The following CLEC16A variants were observed in gnomAD, a reference collection of about 807,000 sequenced individuals.
The protein encoded by CLEC16A is protein CLEC16A.
A neutral mutation model predicts 109.5 loss-of-function variants in CLEC16A; 51 were observed. That is an observed-to-expected ratio of 0.47 (90% CI 0.37 to 0.59). CLEC16A has a LOEUF of 0.59. Ranked by LOEUF, CLEC16A falls within the 20% of genes least tolerant of loss-of-function variation. The pLI, the probability that CLEC16A is intolerant of heterozygous loss-of-function variation, is 0.00. For missense variants in CLEC16A, 1,339 were observed against 1,394.0 expected (o/e 0.96, Z 0.63); for synonymous variants, 673 against 564.2 (o/e 1.19, Z -2.73).
chr16:11,053,763 A>G (rs568046974), intron 18 of CLEC16A, among the ~76,000 whole-genome samples: 1 of 152,172 alleles, frequency 6.6e-6, no homozygotes, highest in African/African-American at 2.4e-5. Flanking sequence ...AGCCCAGGCA[A>G]TGTGGCCCCC....
chr16:11,064,198 T>C (rs2048642197), intron 19 of CLEC16A, among the ~76,000 whole-genome samples: 1 of 152,230 alleles, frequency 6.6e-6, no homozygotes, highest in East Asian at 1.9e-4. Context: ...ATCATATTAT[T>C]ACATCTAGAA....
chr16:10,986,260 G>T (rs2043650527), intron 10 of CLEC16A, among the ~76,000 whole-genome samples: 1 of 151,632 alleles, frequency 6.6e-6, no homozygotes, highest in Non-Finnish European at 1.5e-5. Context: ...TCAATCTCCT[G>T]ACCTCGTGAT....
intron 22 of CLEC16A, among the ~76,000 whole-genome samples, chr16:11,162,669 A>G (rs1461198620): frequency 6.6e-6 from 1 of 152,168 alleles, no homozygotes; most frequent in Non-Finnish European, 1.5e-5. Context: ...CTCCATCTTG[A>G]GCATTTCCCC....
chr16:11,048,089 G>A (rs1219233436), intron 17 of CLEC16A: 1 of 152,282 alleles, frequency 6.6e-6, no homozygotes, highest in East Asian at 1.9e-4. Flanking sequence ...CATATCACTT[G>A]CTAATGAGGA....
intron 10 of CLEC16A, among the ~76,000 whole-genome samples, chr16:10,985,073 G>T (rs1468210531): frequency 6.6e-6 from 1 of 151,850 alleles, no homozygotes; most frequent in African/African-American, 2.4e-5. Flanking sequence ...CATGGTGGCA[G>T]GCGCCTGCAG....
At chr16:11,062,310 A>G (rs1007883395) in intron 19 of CLEC16A, among the ~76,000 whole-genome samples, 3 of 152,212 alleles carry the variant, frequency 2.0e-5, no homozygotes, top group African/African-American at 7.2e-5. Flanking sequence ...TTATTAAGAT[A>G]TAATTTATAT....
intron 22 of CLEC16A, among the ~76,000 whole-genome samples, chr16:11,153,114 A>G (rs1017462102): frequency 6.6e-6 from 1 of 152,190 alleles, no homozygotes; most frequent in Non-Finnish European, 1.5e-5. Flanking sequence ...GGAAGGAGAA[A>G]GGATGTTCAA....
chr16:11,039,952 T>TG, intron 14 of CLEC16A, 76 bp downstream of exon 14: 1 of 1,536,776 alleles, frequency 6.5e-7, no homozygotes, highest in Middle Eastern at 1.9e-4. Context: ...GCCTGAGCCC[T>TG]GGGTGCTAGG....
At chr16:11,131,916 C>G (rs1330754380) in intron 22 of CLEC16A, among the ~76,000 whole-genome samples, 1 of 152,224 alleles carries the variant, frequency 6.6e-6, no homozygotes, top group East Asian at 1.9e-4. Context: ...CGTCCCATTT[C>G]AGGGCCTCTG....
Position 11,178,469 on chromosome 16 carries a change from C to A in CLEC16A, c.2941C>A (p.Pro981Thr). The stretch of plus-strand genomic sequence containing the variant: ...AGCCGTGGAGACAGCCAGCCTGTCC[C>A]CCAGCCTCGTCCCTGCCCGGCAGCC... ...SAAVETASLSPSLVPARQPTI... is the reference protein window; with the variant it reads ...SAAVETASLSTSLVPARQPTI... Residue 981 changes from proline to threonine, a missense_variant, in exon 24 of 24, where the codon CCC (proline) becomes ACC (threonine). By Grantham distance (38) the Pro-to-Thr change is conservative. Coordinates refer to ENST00000409790, the MANE Select transcript of CLEC16A (RefSeq NM_015226.3). The surrounding 1 kb of genome is among the most constrained non-coding windows in gnomAD (Gnocchi z 6.5). 6.2e-7 allele frequency: 1 copy of A among 1,613,668 alleles called. No individual in the cohort carries two copies. Among genetic ancestry groups the A allele is most frequent in the Admixed American group, 1.7e-5 (1 of 60,032 alleles).
At chr16:11,018,289 GAA>G (rs34388528) in intron 11 of CLEC16A, among the ~76,000 whole-genome samples, 110 of 111,896 alleles carry the variant, frequency 9.8e-4, no homozygotes, top group African/African-American at 2.6e-3. Context: ...TCTCAAAAAA[GAA>G]AAAAAAAAAA....
chr16:10,978,925 C>G lies in CLEC16A; in HGVS notation c.904-404C>G, dbSNP rs539920187. 1.5e-3 allele frequency among the ~76,000 whole-genome samples: 228 copies of G among 152,254 alleles called. 3 individuals are homozygous for G. Among genetic ancestry groups the G allele is most frequent in the Admixed American group, 3.8e-3 (58 of 15,284 alleles). On this transcript the variant is annotated intron_variant, in intron 8 of 23. Coordinates refer to ENST00000409790, the MANE Select transcript of CLEC16A (RefSeq NM_015226.3). ...AATTCATTATAAACGAGGGGCTTTTCCAAGGCCAGAGTGCCCTAAACCTCC... is the reference window on the plus strand; with the variant it reads ...AATTCATTATAAACGAGGGGCTTTTGCAAGGCCAGAGTGCCCTAAACCTCC...
chr16:10,955,927 C>T (rs576836672), intron 1 of CLEC16A, among the ~76,000 whole-genome samples: 2 of 152,338 alleles, frequency 1.3e-5, no homozygotes, highest in African/African-American at 4.8e-5. Flanking sequence ...TCTGGGACAA[C>T]TTACAAAGGT....
chr16:11,154,751 C>T (rs1051313446), intron 22 of CLEC16A, among the ~76,000 whole-genome samples: 1 of 151,860 alleles, frequency 6.6e-6, no homozygotes, highest in African/African-American at 2.4e-5. Flanking sequence ...ATGGTGAAAC[C>T]CCATTTCTAC....
chr16:11,080,262 C>G (rs1299878072), intron 19 of CLEC16A, among the ~76,000 whole-genome samples: 3 of 152,194 alleles, frequency 2.0e-5, no homozygotes, highest in African/African-American at 7.2e-5. Context: ...TGATGCACTT[C>G]AGCAGGTGGG....
rs1186149126 is a variant in CLEC16A at position 10,944,731 on chromosome 16, C to T, written c.14C>T (p.Ser5Leu). ...GGGGCCGCCGACATGTTTGGCCGCT[C>T]GCGGAGCTGGGTGGGCGGGGGCCAT... MFGR[S>L]RSWVGGGHGK... Residue 5 changes from serine to leucine, a missense_variant, in exon 1 of 24, where the codon TCG becomes TTG. Around this residue, in one of 3 missense-constraint regions of CLEC16A, gnomAD observed 117 missense variants for 120.2 expected, o/e 0.97. Transcript: ENST00000409790. 1.2e-6 allele frequency: 2 copies of T among 1,608,170 alleles called. No homozygotes were observed. Among genetic ancestry groups the T allele is most frequent in the Non-Finnish European group, 8.5e-7 (1 of 1,178,210 alleles).
intron 19 of CLEC16A, among the ~76,000 whole-genome samples, chr16:11,115,455 T>C (rs1437218320): frequency 6.6e-6 from 1 of 152,194 alleles, no homozygotes; most frequent in Non-Finnish European, 1.5e-5. Flanking sequence ...CTCTATAGCC[T>C]CAACCTCCCT....
At chr16:11,136,372 G>C (rs1357635372) in intron 22 of CLEC16A, 1 of 152,220 alleles carries the variant, frequency 6.6e-6, no homozygotes, top group Non-Finnish European at 1.5e-5. Flanking sequence ...TTAGGCTCTT[G>C]TGACATAAAA....
At chr16:11,171,791 C>T (rs2068521699) in intron 23 of CLEC16A, among the ~76,000 whole-genome samples, 1 of 152,160 alleles carries the variant, frequency 6.6e-6, no homozygotes, top group African/African-American at 2.4e-5. Flanking sequence ...GTCACACATG[C>T]CAATGCGCAT....
Sources: allele counts gnomAD v4.1 joint callset (sites outside exome capture counted in the v4.1 genomes callset), GRCh38; gene constraint gnomAD v4.1.1; regional missense constraint gnomAD v4.1.1; non-coding constraint Gnocchi (gnomAD v3.1); transcripts MANE v1.5; gene names NCBI Gene and HGNC (gene_info 2026-07-23, HGNC 2026-07-21).